PTPRO: variants seen among roughly 807,000 people sequenced by gnomAD.
PTPRO encodes receptor-type tyrosine-protein phosphatase O.
Under a neutral mutation model 145.2 loss-of-function variants are expected in PTPRO, and 62 were observed. The ratio of observed to expected loss-of-function variants is 0.43; its 90% CI spans 0.35 to 0.53. The LOEUF is 0.53. Ranked by LOEUF, PTPRO falls within the 20% of genes least tolerant of loss-of-function variation. The pLI is 0.01. For missense variants in PTPRO, 1,345 were observed against 1,482.7 expected (o/e 0.91, Z 1.53); for synonymous variants, 565 against 514.7 (o/e 1.10, Z -1.32).
intron 1 of PTPRO, among the ~76,000 whole-genome samples, chr12:15,374,735 C>T (rs1246471000): frequency 6.6e-6 from 1 of 152,160 alleles, no homozygotes; most frequent in Non-Finnish European, 1.5e-5. Context: ...ACAGATGACA[C>T]AGTACCAGTT....
intron 7 of PTPRO, among the ~76,000 whole-genome samples, chr12:15,514,471 A>C (rs1464670606): frequency 8.9e-5 from 12 of 134,786 alleles, no homozygotes; most frequent in East Asian, 2.2e-4. Flanking sequence ...AAAAAAAAAA[A>C]AAGAAAGAAC....
At chr12:15,395,273 G>C (rs1047273844) in intron 1 of PTPRO, among the ~76,000 whole-genome samples, 1 of 152,150 alleles carries the variant, frequency 6.6e-6, no homozygotes, top group African/African-American at 2.4e-5. Flanking sequence ...GTAGGCAATC[G>C]AGTTTAAATA....
chr12:15,511,937 C>G (rs1223472977), intron 7 of PTPRO, among the ~76,000 whole-genome samples: 3 of 152,074 alleles, frequency 2.0e-5, no homozygotes, highest in African/African-American at 7.2e-5. Context: ...AAAATATTAT[C>G]AAAAGAAAGG....
At chr12:15,366,655 G>T (rs902872559) in intron 1 of PTPRO, among the ~76,000 whole-genome samples, 58 of 152,148 alleles carry the variant, frequency 3.8e-4, no homozygotes, top group African/African-American at 1.3e-3. Flanking sequence ...TTGAGTTTGA[G>T]GTGTACTTGT....
At chr12:15,538,735 G>A (rs1429455058) in intron 12 of PTPRO, among the ~76,000 whole-genome samples, 1 of 152,164 alleles carries the variant, frequency 6.6e-6, no homozygotes, top group African/African-American at 2.4e-5. Flanking sequence ...TGGAGGCCTG[G>A]TCATCCCCAC....
intron 3 of PTPRO, among the ~76,000 whole-genome samples, chr12:15,499,188 T>C (rs1942167930): frequency 6.6e-6 from 1 of 152,178 alleles, no homozygotes; most frequent in African/African-American, 2.4e-5. Context: ...ACCCCAAAAG[T>C]TCCTATCACA....
chr12:15,392,720 C>CAAAAAAAAAAAAAAA (rs1177789187), intron 1 of PTPRO, among the ~76,000 whole-genome samples: 1 of 66,684 alleles, frequency 1.5e-5, no homozygotes, highest in Non-Finnish European at 2.7e-5. Flanking sequence ...GACCCTGTCT[C>CAAAAAAAAAAAAAAA]AAAAAAAAAA....
intron 1 of PTPRO, among the ~76,000 whole-genome samples, chr12:15,359,053 C>A (rs139179044): frequency 7.2e-4 from 110 of 152,248 alleles, no homozygotes; most frequent in African/African-American, 2.3e-3. Context: ...TGGTCTAATT[C>A]TGTAAAATAA....
At chr12:15,546,330 A>T (rs1943287579) in intron 12 of PTPRO, 1 of 1,348,210 alleles carries the variant, frequency 7.4e-7, no homozygotes, top group African/African-American at 1.5e-5. Flanking sequence ...TGAAGTAGAA[A>T]ACAGAAGTGT....
intron 1 of PTPRO, among the ~76,000 whole-genome samples, chr12:15,334,479 A>C (rs1389892066): frequency 1.3e-5 from 2 of 152,198 alleles, no homozygotes; most frequent in Non-Finnish European, 2.9e-5. Flanking sequence ...CAAGTGACTA[A>C]CATACAAAAT....
intron 21 of PTPRO, among the ~76,000 whole-genome samples, 192 bp downstream of exon 21, chr12:15,580,307 A>G (rs551242130): frequency 6.6e-6 from 1 of 152,336 alleles, no homozygotes; most frequent in South Asian, 2.1e-4. Flanking sequence ...TAATGTTTCT[A>G]TTTCTTTATA....
intron 1 of PTPRO, among the ~76,000 whole-genome samples, chr12:15,325,019 C>T (rs1392535290): frequency 6.6e-6 from 1 of 152,114 alleles, no homozygotes; most frequent in Non-Finnish European, 1.5e-5. Flanking sequence ...TTATTAAATA[C>T]CAAACTGCTA....
rs56046785 is a variant in PTPRO, at chr12:15,463,793, A to G, written c.76-20181A>G. 4.8e-3 allele frequency among the ~76,000 whole-genome samples: 732 copies of G among 152,276 alleles called. 7 individuals carry two copies. Among genetic ancestry groups the G allele is most frequent in the African/African-American group, 0.017 (700 of 41,560 alleles). ...AGGTATTCTTTCATTTCTATAATAC[A>G]ATAATATGGTTTTACCTTAATAACC... On this transcript the variant is annotated intron_variant, in intron 1 of 26. Coordinates refer to ENST00000281171, the MANE Select transcript of PTPRO (RefSeq NM_030667.3).
intron 1 of PTPRO, among the ~76,000 whole-genome samples, chr12:15,381,100 T>A (rs1158342429): frequency 1.3e-5 from 2 of 152,216 alleles, no homozygotes; most frequent in African/African-American, 4.8e-5. Flanking sequence ...TTCATGAGAT[T>A]TATCTTTGAA....
intron 12 of PTPRO, among the ~76,000 whole-genome samples, chr12:15,539,231 T>C (rs1018669629): frequency 6.6e-6 from 1 of 152,042 alleles, no homozygotes; most frequent in African/African-American, 2.4e-5. Flanking sequence ...GGGTAATGAA[T>C]ACCCTGAAAG....
chr12:15,507,283 G>A (rs571829428), intron 6 of PTPRO, among the ~76,000 whole-genome samples: 14 of 151,896 alleles, frequency 9.2e-5, no homozygotes, highest in Middle Eastern at 3.4e-3. Flanking sequence ...CATAGTGGTG[G>A]GCACCTGTAA....
At chr12:15,530,009 A>C (rs1054647923) in intron 12 of PTPRO, among the ~76,000 whole-genome samples, 2 of 152,214 alleles carry the variant, frequency 1.3e-5, no homozygotes, top group Admixed American at 1.3e-4. Flanking sequence ...CAGGGACTGA[A>C]AGTGAAGGGG....
intron 1 of PTPRO, among the ~76,000 whole-genome samples, chr12:15,437,775 C>A (rs747108451): frequency 1.3e-5 from 2 of 152,216 alleles, no homozygotes; most frequent in Non-Finnish European, 2.9e-5. Flanking sequence ...CCTGACTCCA[C>A]ATTTAGACAC....
At chr12:15,461,543 A>G (rs977053691) in intron 1 of PTPRO, among the ~76,000 whole-genome samples, 2 of 140,964 alleles carry the variant, frequency 1.4e-5, no homozygotes, top group African/African-American at 5.2e-5. Flanking sequence ...TTCCTAGTCC[A>G]AGTCCTTCAT....
Sources: gnomAD v4.1 joint callset for allele counts (sites outside exome capture counted in the v4.1 genomes callset) on GRCh38, gnomAD v4.1.1 for gene constraint, MANE v1.5 for transcripts, NCBI Gene and HGNC (gene_info 2026-07-23, HGNC 2026-07-21) for gene names.